The following MACF1 variants were observed in gnomAD, a reference collection of about 807,000 sequenced individuals.
The protein encoded by MACF1 is microtubule actin crosslinking factor 1.
Under a neutral mutation model 854.8 loss-of-function variants are expected in MACF1, and 193 were observed. The observed-to-expected ratio is 0.23, with a 90% CI of 0.20 to 0.25. MACF1 has a LOEUF of 0.25. Among genes scored for constraint, MACF1 ranks in the 10% least tolerant of loss-of-function variants. The pLI is 1.00. For missense variants in MACF1, 7,722 were observed against 8,929.1 expected (o/e 0.86, Z 5.45); for synonymous variants, 3,185 against 3,226.7 (o/e 0.99, Z 0.44).
chr1:39,454,694 G>A lies in MACF1; in HGVS notation c.20887-215G>A, dbSNP rs532929683. Among the ~76,000 whole-genome samples the A allele has an allele frequency of 3.3e-5, 5 of 152,264 alleles. No homozygotes were observed. The South Asian group carries it at 1.0e-3, about 32-fold the overall frequency. On this transcript the variant is annotated intron_variant, in intron 88 of 100. Coordinates refer to ENST00000564288, the MANE Select transcript of MACF1 (RefSeq NM_001394062.1). ...ACAAGTCTGTAATCCCAGTTACTTG[G>A]GAGGCTGAGGCAGGAGAGTCACTTG...
rs1646777582 is a variant in MACF1, at chr1:39,334,435, A to G, written c.7847A>G (p.His2616Arg). The G allele has an allele frequency of 1.2e-6, 2 of 1,614,124 alleles. No homozygotes were observed. Among genetic ancestry groups the G allele is most frequent in the Non-Finnish European group, 1.7e-6 (2 of 1,179,982 alleles). Residue 2616 changes from histidine (H) to arginine (R), a missense_variant, in exon 37 of 101, where the codon CAT becomes CGT. Coordinates refer to ENST00000564288, the MANE Select transcript of MACF1 (RefSeq NM_001394062.1). ...NEAVLSPGMM[H>R]GIVDPENCRI... Reference sequence around the variant, plus strand: ...GCAGTATTGTCTCCAGGAATGATGCATGGCATTGTAGATCCCGAGAACTGC... The same window carrying G: ...GCAGTATTGTCTCCAGGAATGATGCGTGGCATTGTAGATCCCGAGAACTGC...
intron 58 of MACF1, among the ~76,000 whole-genome samples, chr1:39,418,389 G>A (rs2148629382): frequency 6.6e-6 from 1 of 152,254 alleles, no homozygotes; most frequent in African/African-American, 2.4e-5. Context: ...CATTTATTGT[G>A]GTTAGTATTT....
chr1:39,480,644 T>TA (rs994527737), intron 98 of MACF1, among the ~76,000 whole-genome samples: 1 of 146,214 alleles, frequency 6.8e-6, no homozygotes, highest in Non-Finnish European at 1.5e-5. Flanking sequence ...AAATAAAAAT[T>TA]AAAAAAAAAA....
Position 39,300,507 on chromosome 1 carries a change from T to A in MACF1, c.2634+145T>A, listed in dbSNP as rs199672061. 103 of 533,850 alleles carry A rather than the reference T, an allele frequency of 1.9e-4. 1 individual carries two copies. The highest frequency in any genetic ancestry group is 1.1e-3 in the Middle Eastern group (2 of 1,752). The allele number at this position is 533,850 out of a possible 1,614,324, so 33.1% of individuals were successfully genotyped here. A position where few individuals can be genotyped will look rare whatever the true frequency, so the allele number is the denominator to read the frequency against. On this transcript the variant is annotated intron_variant, in intron 22 of 100. Transcript: ENST00000564288. ...ACATGCTGAAGTCTCTCCTATCATT[T>A]AAAAAAAAAAACTAAACTAAAAACT...
At position 39,084,467 on chromosome 1, in the gene MACF1, G is replaced by A. The variant is rs764446091; in HGVS notation, c.220+29G>A. ...AGAGAGGTCCCCCAGCAGGCTGGAC[G>A]CTGTGGGTGTGAGGGAGGAATGGGC... On this transcript the variant is annotated intron_variant, in intron 2 of 93. Transcript: ENST00000361689. The surrounding 1 kb of genome is among the most constrained non-coding windows in gnomAD (Gnocchi z 5.2). 21 of 1,583,606 alleles carry A rather than the reference G, an allele frequency of 1.3e-5. No homozygotes were observed. Among genetic ancestry groups the A allele is most frequent in the Non-Finnish European group, 1.7e-5 (20 of 1,168,744 alleles).
At chr1:39,269,276 G>T (rs1645273400) in intron 6 of MACF1, 1 of 1,289,786 alleles carries the variant, frequency 7.8e-7, no homozygotes, top group Non-Finnish European at 1.0e-6. Flanking sequence ...GAAATATTCA[G>T]CGTGGGTTTC....
At position 39,335,194 on chromosome 1, in the gene MACF1, A is replaced by G. The variant is rs772164348; in HGVS notation, c.8606A>G (p.Asn2869Ser). 2 of 1,613,922 alleles carry G rather than the reference A, an allele frequency of 1.2e-6. No homozygotes were observed. Among genetic ancestry groups the G allele is most frequent in the African/African-American group, 2.7e-5 (2 of 74,922 alleles). The change falls in exon 37 of 101, where the codon AAT becomes AGT. Residue 2869 changes from asparagine (N) to serine (S), a missense_variant. Physicochemically the swap from Asn to Ser is conservative, Grantham distance 46. This residue lies in a region of MACF1 where 854 missense variants were observed against 852.6 expected (regional missense o/e 1.00). Transcript: ENST00000564288. ...SDAKEFISIINPHNLKGKSLG... is the reference protein window; with the variant it reads ...SDAKEFISIISPHNLKGKSLG... The stretch of plus-strand genomic sequence containing the variant: ...GCTAAAGAATTTATCAGTATCATAA[A>G]TCCTCATAATCTTAAAGGTAAATCC...
At chr1:39,093,282 C>A (rs981340356) in intron 2 of MACF1, among the ~76,000 whole-genome samples, 2 of 150,754 alleles carry the variant, frequency 1.3e-5, no homozygotes, top group African/African-American at 4.9e-5. Context: ...GTTCAGTCCC[C>A]AAGACATTCC....
intron 99 of MACF1, 101 bp downstream of exon 99, chr1:39,481,131 A>C: frequency 1.9e-5 from 13 of 675,070 alleles, no homozygotes; most frequent in East Asian, 2.9e-5. Flanking sequence ...GCACTCTTTC[A>C]TCTCTGTGGT....
intron 1 of MACF1, among the ~76,000 whole-genome samples, chr1:39,209,219 T>TAA (rs111250963): frequency 7.1e-6 from 1 of 140,140 alleles, no homozygotes; most frequent in Non-Finnish European, 1.6e-5. Context: ...AAACTCCATC[T>TAA]AAAAAAAAAA....
intron 20 of MACF1, among the ~76,000 whole-genome samples, chr1:39,296,618 T>G (rs1414266723): frequency 6.6e-6 from 1 of 151,566 alleles, no homozygotes; most frequent in African/African-American, 2.4e-5. Flanking sequence ...TAGTCCCAGC[T>G]ACTTGGGAAG....
chr1:39,130,112 T>C (rs1642960749), intron 2 of MACF1, among the ~76,000 whole-genome samples: 1 of 152,218 alleles, frequency 6.6e-6, no homozygotes, highest in Non-Finnish European at 1.5e-5. Flanking sequence ...GAAATGTCGG[T>C]ACCTGCCCCC....
intron 2 of MACF1, among the ~76,000 whole-genome samples, chr1:39,136,303 TG>T (rs2148178769): frequency 6.6e-6 from 1 of 152,330 alleles, no homozygotes; most frequent in Admixed American, 6.5e-5. Context: ...GCTATCCAGC[TG>T]TGATTTTTCT....
chr1:39,295,951 C>T (rs779820163), intron 20 of MACF1, 69 bp downstream of exon 20: 226 of 1,347,380 alleles, frequency 1.7e-4, no homozygotes, highest in Non-Finnish European at 2.2e-4. Flanking sequence ...ACAAACACAT[C>T]TGCGTTAGTG....
intron 40 of MACF1, among the ~76,000 whole-genome samples, chr1:39,343,927 C>T (rs1646989187): frequency 6.6e-6 from 1 of 151,216 alleles, no homozygotes; most frequent in Non-Finnish European, 1.5e-5. Flanking sequence ...ACCAGCCTGA[C>T]CAACAAGAAG....
rs759372956 is a variant in MACF1 at position 39,331,824 on chromosome 1, G to T, written c.5236G>T (p.Val1746Phe). 1.2e-6 allele frequency: 2 copies of T among 1,614,154 alleles called. No homozygotes were observed. Among genetic ancestry groups the T allele is most frequent in the Admixed American group, 3.3e-5 (2 of 60,008 alleles). The change falls in exon 37 of 101, where the codon GTT becomes TTT. Residue 1746 changes from valine to phenylalanine, a missense_variant. Physicochemically the swap from Val to Phe is conservative, Grantham distance 50. Transcript: ENST00000564288. ...GGTGAGCTTGAAATCAGGCCGGAAG[G>T]TTAGCATTTTCCGTGCAGTTCAGGA... ...GMVSLKSGRK[V>F]SIFRAVQEGL...
Position 39,349,575 on chromosome 1 carries a change from G to A in MACF1, c.10913G>A (p.Arg3638Lys). ...AGAGCACTGGCAGGCCACCAAGGCA[G>A]AACCACCCAGCAGGATCTCTCTGCT... is the stretch of plus-strand genomic sequence containing the variant. ...AERALAGHQG[R>K]TTQQDLSALQ... The change falls in exon 42 of 101, where the codon AGA becomes AAA. Residue 3638 changes from arginine (R) to lysine (K), a missense_variant. Arg to Lys is a conservative substitution (Grantham distance 26). Around this residue, in one of 15 missense-constraint regions of MACF1, gnomAD observed 2,807 missense variants for 3,235.8 expected, o/e 0.87. Coordinates refer to ENST00000564288, the MANE Select transcript of MACF1 (RefSeq NM_001394062.1). 6.2e-7 allele frequency: 1 copy of A among 1,614,230 alleles called. No homozygotes were observed. Among genetic ancestry groups the A allele is most frequent in the South Asian group, 1.1e-5 (1 of 91,082 alleles).
In MACF1 at chr1:39,317,363, G is replaced by C; in HGVS notation, c.3738G>C (p.Gln1246His). 2 of 1,613,492 alleles carry C rather than the reference G, an allele frequency of 1.2e-6. No homozygotes were observed. Among genetic ancestry groups the C allele is most frequent in the African/African-American group, 2.7e-5 (2 of 75,028 alleles). Residue 1246 changes from glutamine to histidine, a missense_variant, in exon 29 of 101, where the codon CAG becomes CAC. Gln to His is a conservative substitution (Grantham distance 24, BLOSUM62 0). Around this residue, in one of 15 missense-constraint regions of MACF1, gnomAD observed 1,137 missense variants for 1,263.0 expected, o/e 0.90. Coordinates refer to ENST00000564288, the MANE Select transcript of MACF1 (RefSeq NM_001394062.1). ...AGCGCTATCAGGAAAAAGGCTCCCA[G>C]CTGCAGGAGCGTTGGCACCGAGTCA... ...DLERYQEKGS[Q>H]LQERWHRVIA...
intron 97 of MACF1, 92 bp downstream of exon 97, chr1:39,469,707 A>G: frequency 1.0e-6 from 1 of 992,750 alleles, no homozygotes; most frequent in Non-Finnish European, 1.6e-6. Context: ...GGTTCTGTGT[A>G]TCTGCTGCAT....
Sources: allele counts gnomAD v4.1 joint callset (sites outside exome capture counted in the v4.1 genomes callset), GRCh38; gene constraint gnomAD v4.1.1; regional missense constraint gnomAD v4.1.1; non-coding constraint Gnocchi (gnomAD v3.1); transcripts MANE v1.5; gene names NCBI Gene and HGNC (gene_info 2026-07-23, HGNC 2026-07-21).